Variants in RALYL observed in about 807,000 individuals in gnomAD.
The protein encoded by RALYL is RALY RNA binding protein like.
In RALYL, 29 loss-of-function variants were observed where a neutral mutation model predicts 35.1. The observed-to-expected ratio is 0.83, with a 90% confidence interval of 0.61 to 1.13. RALYL has a LOEUF of 1.13. Among genes scored for constraint, RALYL ranks in the 50% most tolerant of loss-of-function variants. RALYL has a pLI of 0.00. For missense variants in RALYL, 359 were observed against 360.4 expected (o/e 1.00, Z 0.03); for synonymous variants, 120 against 127.6 (o/e 0.94, Z 0.40).
At chr8:84,585,638 A>T (rs924757480) in intron 2 of RALYL, among the ~76,000 whole-genome samples, 1 of 152,212 alleles carries the variant, frequency 6.6e-6, no homozygotes, top group Non-Finnish European at 1.5e-5. Flanking sequence ...CTCTTAAACA[A>T]CATAGGCAAA....
chr8:84,187,703 T>C (rs1418487393), intron 1 of RALYL, among the ~76,000 whole-genome samples: 1 of 152,120 alleles, frequency 6.6e-6, no homozygotes, highest in Non-Finnish European at 1.5e-5. Context: ...TAATTTGATA[T>C]GCTAAAATTT....
At chr8:84,491,662 TAAAC>T (rs1355468060) in intron 1 of RALYL, among the ~76,000 whole-genome samples, 9 of 152,054 alleles carry the variant, frequency 5.9e-5, no homozygotes, top group Middle Eastern at 3.4e-3. Context: ...CAGGAAAAAA[TAAAC>T]AAACAAACAA....
At chr8:84,539,224 A>C (rs1479647434) in intron 2 of RALYL, among the ~76,000 whole-genome samples, 1 of 152,192 alleles carries the variant, frequency 6.6e-6, no homozygotes, top group Admixed American at 6.5e-5. Flanking sequence ...TGTAGGTATC[A>C]GAATAGGGCC....
chr8:84,470,950 A>C (rs1587596380), intron 1 of RALYL, among the ~76,000 whole-genome samples: 1 of 152,160 alleles, frequency 6.6e-6, no homozygotes, highest in Non-Finnish European at 1.5e-5. Flanking sequence ...TCATGTTACT[A>C]TGGGTTAGCC....
intron 2 of RALYL, among the ~76,000 whole-genome samples, chr8:84,589,857 T>C (rs557509244): frequency 6.6e-6 from 1 of 152,340 alleles, no homozygotes; most frequent in South Asian, 2.1e-4. Context: ...TATATAATAT[T>C]TCTATATCAT....
chr8:84,862,677 A>G (rs1838362058), intron 6 of RALYL, among the ~76,000 whole-genome samples: 1 of 152,248 alleles, frequency 6.6e-6, no homozygotes, highest in Admixed American at 6.5e-5. Flanking sequence ...ATCCAGGACC[A>G]ATTTGAAAAG....
intron 2 of RALYL, among the ~76,000 whole-genome samples, chr8:84,661,878 C>T (rs1262411721): frequency 1.3e-5 from 2 of 151,376 alleles, no homozygotes. Context: ...TTATGCAAAA[C>T]CCCTTTTCAC....
intron 1 of RALYL, among the ~76,000 whole-genome samples, chr8:84,456,269 C>G (rs1207891695): frequency 6.6e-6 from 1 of 151,962 alleles, no homozygotes; most frequent in Non-Finnish European, 1.5e-5. Flanking sequence ...AAGCTGCAAT[C>G]ATATGCCTTT....
intron 1 of RALYL, among the ~76,000 whole-genome samples, chr8:84,195,058 G>A (rs1814895307): frequency 6.6e-6 from 1 of 152,026 alleles, no homozygotes; most frequent in African/African-American, 2.4e-5. Context: ...CCTCTGCACA[G>A]CATGTTAAAA....
intron 2 of RALYL, among the ~76,000 whole-genome samples, chr8:84,737,226 C>A (rs971906163): frequency 6.6e-6 from 1 of 152,026 alleles, no homozygotes; most frequent in Admixed American, 6.6e-5. Flanking sequence ...AAGCTATTAG[C>A]TGTTATTATT....
At chr8:84,867,513 A>T (rs1387232038) in intron 6 of RALYL, among the ~76,000 whole-genome samples, 5 of 152,316 alleles carry the variant, frequency 3.3e-5, no homozygotes, top group African/African-American at 1.2e-4. Flanking sequence ...GTTCAGAGAA[A>T]ATTAGTTACA....
At chr8:84,508,469 C>T (rs1363745140) in intron 1 of RALYL, among the ~76,000 whole-genome samples, 1 of 151,962 alleles carries the variant, frequency 6.6e-6, no homozygotes, top group East Asian at 1.9e-4. Flanking sequence ...ATCTACTTCA[C>T]GAGGTTATTA....
intron 2 of RALYL, among the ~76,000 whole-genome samples, chr8:84,570,938 A>T (rs577872753): frequency 6.6e-6 from 1 of 152,018 alleles, no homozygotes; most frequent in South Asian, 2.1e-4. Flanking sequence ...AACCCACTTG[A>T]CCATGATAAA....
intron 1 of RALYL, among the ~76,000 whole-genome samples, chr8:84,440,984 C>T (rs2048271556): frequency 6.6e-6 from 1 of 151,880 alleles, no homozygotes; most frequent in African/African-American, 2.4e-5. Flanking sequence ...TCATTCCCAC[C>T]AGAAATGAAT....
At chr8:84,520,410 A>C (rs1310206887) in intron 1 of RALYL, among the ~76,000 whole-genome samples, 1 of 152,226 alleles carries the variant, frequency 6.6e-6, no homozygotes. Context: ...TCTTAGTGAT[A>C]CCACCGTATG....
intron 2 of RALYL, among the ~76,000 whole-genome samples, chr8:84,687,911 C>A (rs1384053548): frequency 1.1e-4 from 17 of 151,944 alleles, no homozygotes; most frequent in Non-Finnish European, 2.9e-5. Context: ...TCCCATCCAC[C>A]TTTTTGCTCA....
chr8:84,476,662 T>A (rs529213193), intron 1 of RALYL, among the ~76,000 whole-genome samples: 1 of 152,318 alleles, frequency 6.6e-6, no homozygotes, highest in Non-Finnish European at 1.5e-5. Context: ...GCCAAATTTC[T>A]CAAATAATCT....
chr8:84,831,851 C>A lies in RALYL; in HGVS notation c.366-18129C>A, dbSNP rs191115322. Among the ~76,000 whole-genome samples the A allele has an allele frequency of 2.0e-5, 3 of 152,136 alleles. No homozygotes were observed. The East Asian group carries it at 5.8e-4, about 29-fold the overall frequency. On this transcript the variant is annotated intron_variant, in intron 4 of 8. Coordinates refer to ENST00000521268, the MANE Select transcript of RALYL (RefSeq NM_173848.7). ...AATTGACAAAAGGTGCAAATCAGTT[C>A]TTTTTTGCTTCTATAATATTTGTAT...
rs547465943 is a variant in RALYL at position 84,412,560 on chromosome 8, A to G, written c.-23-116739A>G. ...AAAGGCATTCACATTGTAAGATGAT[A>G]CTACTAGTTGGGATACTGAGGTTCC... On this transcript the variant is annotated intron_variant, in intron 1 of 8. Transcript: ENST00000521268. Among the ~76,000 whole-genome samples the G allele has an allele frequency of 7.2e-5, 11 of 152,060 alleles. No homozygotes were observed. The South Asian group carries it at 2.3e-3, about 32-fold the overall frequency.
Sources: allele counts gnomAD v4.1 joint callset (sites outside exome capture counted in the v4.1 genomes callset), GRCh38; gene constraint gnomAD v4.1.1; transcripts MANE v1.5; gene names NCBI Gene and HGNC (gene_info 2026-07-23, HGNC 2026-07-21).